The following TMEM63C variants were observed in gnomAD, a reference collection of about 807,000 sequenced individuals.
The protein encoded by TMEM63C is osmosensitive cation channel TMEM63C.
In TMEM63C, 32 loss-of-function variants were observed where a neutral mutation model predicts 99.2. The ratio of observed to expected loss-of-function variants is 0.32; its 90% CI spans 0.24 to 0.43. The LOEUF (loss-of-function observed/expected upper bound fraction) is 0.43, where lower values mean the gene tolerates loss of function less well. TMEM63C is among the 20% of genes least tolerant of loss of function. TMEM63C has a pLI of 1.00. For missense variants in TMEM63C, 826 were observed against 1,053.0 expected (o/e 0.78, Z 2.98); for synonymous variants, 376 against 397.9 (o/e 0.94, Z 0.66).
At chr14:77,256,344 C>T (rs553020343) in intron 23 of TMEM63C, among the ~76,000 whole-genome samples, 182 bp from the exon 24 acceptor site, 6 of 152,310 alleles carry the variant, frequency 3.9e-5, no homozygotes, top group Non-Finnish European at 7.3e-5. Flanking sequence ...AGATGCTCAT[C>T]AAATGATCAA....
At chr14:77,236,775 G>A in intron 9 of TMEM63C, 43 bp downstream of exon 9, 2 of 1,411,598 alleles carry the variant, frequency 1.4e-6, no homozygotes, top group African/African-American at 1.4e-5. Flanking sequence ...GGAAGCTGGG[G>A]TCCCTCCCCA....
chr14:77,195,891 G>T (rs1457853260), intron 1 of TMEM63C, among the ~76,000 whole-genome samples: 1 of 152,222 alleles, frequency 6.6e-6, no homozygotes, highest in Non-Finnish European at 1.5e-5. Flanking sequence ...GATGCTTCCG[G>T]AGTACCCCTC....
chr14:77,244,351 C>T lies in TMEM63C; in HGVS notation c.1344C>T (p.Asn448=). ...NVTRPIEKLQ[N]PIVTQFFPSV... is the part of the protein sequence containing the mutation. ...CGTCCTCCCCTCTCCCCCTGCAGAA[C>T]CCAATTGTGACCCAGTTCTTCCCCT... Residue 448 remains asparagine, a splice_region_variant and synonymous_variant, in exon 16 of 24, where the codon AAC becomes AAT. Coordinates refer to ENST00000298351, the MANE Select transcript of TMEM63C (RefSeq NM_020431.4). The T allele has an allele frequency of 2.5e-6, 4 of 1,613,358 alleles. No individual in the cohort carries two copies. The highest frequency in any genetic ancestry group is 3.4e-6 in the Non-Finnish European group (4 of 1,179,358).
At chr14:77,218,397 C>T (rs756788924) in intron 2 of TMEM63C, among the ~76,000 whole-genome samples, 2 of 152,170 alleles carry the variant, frequency 1.3e-5, no homozygotes, top group African/African-American at 4.8e-5. Flanking sequence ...GTGAACACAG[C>T]GGTTTTGACT....
At chr14:77,216,552 C>A (rs1282097603) in intron 2 of TMEM63C, among the ~76,000 whole-genome samples, 2 of 152,160 alleles carry the variant, frequency 1.3e-5, no homozygotes, top group African/African-American at 4.8e-5. Flanking sequence ...CTTGCACGCA[C>A]TCCCCCTCCA....
intron 6 of TMEM63C, among the ~76,000 whole-genome samples, chr14:77,229,632 A>ATAT (rs59641845): frequency 2.8e-5 from 4 of 144,154 alleles, no homozygotes; most frequent in Non-Finnish European, 4.6e-5. Context: ...ATATATATAT[A>ATAT]GTAGAGATGG....
rs745635624 is a variant in TMEM63C, at chr14:77,239,452, T to A, written c.766T>A (p.Cys256Ser). The A allele has an allele frequency of 1.2e-6, 2 of 1,613,650 alleles. No homozygotes were observed. The highest frequency in any genetic ancestry group is 1.7e-6 in the Non-Finnish European group (2 of 1,179,868). The part of the protein sequence containing the change: ...PGSVVTRVHF[C>S]YDVRNLIDLD... ...CAGTGTCGTGACAAGAGTCCACTTC[T>A]GCTACGACGTCAGGAACCTGATCGA... Residue 256 changes from cysteine (C) to serine (S), a missense_variant, in exon 11 of 24, where the codon TGC (cysteine) becomes AGC (serine). Cys to Ser is a moderately radical substitution (Grantham distance 112, BLOSUM62 -1). Transcript: ENST00000298351.
At chr14:77,237,465 C>A (rs1027997127) in intron 9 of TMEM63C, among the ~76,000 whole-genome samples, 1 of 151,888 alleles carries the variant, frequency 6.6e-6, no homozygotes, top group Middle Eastern at 3.2e-3. Context: ...CAAAGGCAAC[C>A]AAAAAAAGGG....
intron 12 of TMEM63C, among the ~76,000 whole-genome samples, chr14:77,240,014 C>T (rs977280952): frequency 3.9e-5 from 6 of 152,158 alleles, no homozygotes; most frequent in East Asian, 3.9e-4. Flanking sequence ...GCAGGCTACA[C>T]GAGGCTGCCA....
intron 1 of TMEM63C, among the ~76,000 whole-genome samples, chr14:77,201,579 G>A (rs952162240): frequency 1.1e-4 from 16 of 152,164 alleles, no homozygotes; most frequent in African/African-American, 3.6e-4. Flanking sequence ...GCATCCTTCA[G>A]GGACTTGTTG....
At chr14:77,219,011 G>A in intron 3 of TMEM63C, 48 bp downstream of exon 3, 1 of 1,471,070 alleles carries the variant, frequency 6.8e-7, no homozygotes, top group Non-Finnish European at 9.0e-7. Context: ...CTCAGACAGG[G>A]TCGAACTTTC....
At chr14:77,206,547 T>C (rs1455615437) in intron 1 of TMEM63C, among the ~76,000 whole-genome samples, 2 of 152,198 alleles carry the variant, frequency 1.3e-5, no homozygotes, top group Admixed American at 1.3e-4. Context: ...GGAGATGGCA[T>C]TGGATTCAGG....
chr14:77,254,180 G>A (rs1308419224), intron 23 of TMEM63C, among the ~76,000 whole-genome samples: 1 of 152,220 alleles, frequency 6.6e-6, no homozygotes, highest in African/African-American at 2.4e-5. Context: ...CAGCCTGTGC[G>A]AAGGCCTGGA....
At chr14:77,214,094 GC>G (rs1888539130) in intron 2 of TMEM63C, among the ~76,000 whole-genome samples, 1 of 151,868 alleles carries the variant, frequency 6.6e-6, no homozygotes, top group African/African-American at 2.4e-5. Context: ...CCATCTCTCA[GC>G]CCTCCCCAAC....
At chr14:77,209,288 T>C (rs1348466564) in intron 1 of TMEM63C, among the ~76,000 whole-genome samples, 1 of 152,140 alleles carries the variant, frequency 6.6e-6, no homozygotes. Context: ...CTCCACTCCC[T>C]GCAGCGACTG....
chr14:77,248,463 G>A lies in TMEM63C; in HGVS notation c.1718G>A (p.Arg573His), dbSNP rs750976794. ...GGGTCACTCTTCTGCTACAGCACCC[G>A]CCTCTTCTTCTCTAGATCAGAGCCA... The part of the protein sequence containing the change: ...RLGSLFCYST[R>H]LFFSRSEPER... The change falls in exon 19 of 24, where the codon CGC becomes CAC. Residue 573 changes from arginine (R) to histidine (H), a missense_variant. Physicochemically the swap from Arg to His is conservative, Grantham distance 29. Coordinates refer to ENST00000298351, the MANE Select transcript of TMEM63C (RefSeq NM_020431.4). The A allele has an allele frequency of 1.3e-5, 21 of 1,593,566 alleles. No individual in the cohort carries two copies. Among genetic ancestry groups the A allele is most frequent in the South Asian group, 3.4e-5 (3 of 87,802 alleles).
intron 1 of TMEM63C, among the ~76,000 whole-genome samples, chr14:77,183,202 G>A (rs1887942838): frequency 6.6e-6 from 1 of 152,032 alleles, no homozygotes; most frequent in African/African-American, 2.4e-5. Flanking sequence ...AGTTCTCCAG[G>A]TATCTTACCT....
At chr14:77,253,820 G>T (rs148724812) in intron 23 of TMEM63C, among the ~76,000 whole-genome samples, 1 of 152,212 alleles carries the variant, frequency 6.6e-6, no homozygotes, top group African/African-American at 2.4e-5. Flanking sequence ...CGAAATGAGC[G>T]AGCCTGTCTG....
In TMEM63C at chr14:77,245,925, T is replaced by C. The variant is rs1353041110; in HGVS notation, c.1449-15T>C. On this transcript the variant is annotated splice_polypyrimidine_tract_variant and intron_variant, in intron 16 of 23. Transcript: ENST00000298351. ...GGCCACGTCCATTGATGAATATCTCTCTGTTTCCTTCTAGATCAAGTCAGA... is the reference window on the plus strand; with the variant it reads ...GGCCACGTCCATTGATGAATATCTCCCTGTTTCCTTCTAGATCAAGTCAGA... The C allele has an allele frequency of 6.2e-7, 1 of 1,604,690 alleles. No individual in the cohort carries two copies. Among genetic ancestry groups the C allele is most frequent in the East Asian group, 2.2e-5 (1 of 44,858 alleles).
Sources: allele counts gnomAD v4.1 joint callset (sites outside exome capture counted in the v4.1 genomes callset), GRCh38; gene constraint gnomAD v4.1.1; transcripts MANE v1.5; gene names NCBI Gene and HGNC (gene_info 2026-07-23, HGNC 2026-07-21).